SYNC: variants seen among roughly 807,000 people sequenced by gnomAD.
SYNC encodes syncoilin, intermediate filament protein.
A neutral mutation model predicts 49.5 loss-of-function variants in SYNC; 38 were observed. The ratio of observed to expected loss-of-function variants is 0.77; its 90% CI spans 0.59 to 1.01. The LOEUF (loss-of-function observed/expected upper bound fraction) is 1.01, where lower values mean the gene tolerates loss of function less well. SYNC is among the 50% of genes least tolerant of loss of function. SYNC has a pLI of 0.00. For synonymous variants in SYNC, 201 were observed against 230.8 expected (o/e 0.87, Z 1.17); for missense variants, 579 against 580.6 (o/e 1.00, Z 0.03).
chr1:32,688,928 AAC>A (rs1320323919), intron 2 of SYNC, among the ~76,000 whole-genome samples: 1 of 149,088 alleles, frequency 6.7e-6, no homozygotes, highest in Non-Finnish European at 1.5e-5. Context: ...CCCACCCCGC[AAC>A]ACACACACAC....
intron 2 of SYNC, 122 bp downstream of exon 2, chr1:32,694,743 C>T: frequency 2.0e-6 from 2 of 997,482 alleles, no homozygotes; most frequent in Non-Finnish European, 2.9e-6. Context: ...ATTGCGTGGC[C>T]CCAAAGAACA....
chr1:32,686,010 C>T (rs1649804062), intron 2 of SYNC: 2 of 152,174 alleles, frequency 1.3e-5, no homozygotes, highest in Admixed American at 1.3e-4. Context: ...TTTCCTCTAG[C>T]CCTGGACTAC....
intron 2 of SYNC, among the ~76,000 whole-genome samples, chr1:32,690,500 C>T (rs1353322557): frequency 1.3e-5 from 2 of 151,692 alleles, no homozygotes; most frequent in African/African-American, 2.4e-5. Flanking sequence ...CAAAAATTAG[C>T]GAGGCCTGGT....
chr1:32,697,502 G>A (rs1650485686), intron 1 of SYNC, among the ~76,000 whole-genome samples: 1 of 151,316 alleles, frequency 6.6e-6, no homozygotes, highest in African/African-American at 2.4e-5. Context: ...CAGCACTTTG[G>A]GAGGCCAAGA....
intron 2 of SYNC, among the ~76,000 whole-genome samples, chr1:32,687,698 C>T (rs1163841472): frequency 6.6e-6 from 1 of 151,048 alleles, no homozygotes; most frequent in East Asian, 1.9e-4. Flanking sequence ...AATGTTTAGT[C>T]CCAGCTGGAT....
At chr1:32,692,013 A>G (rs1404898244) in intron 2 of SYNC, among the ~76,000 whole-genome samples, 1 of 152,076 alleles carries the variant, frequency 6.6e-6, no homozygotes, top group African/African-American at 2.4e-5. Flanking sequence ...CGGGCGGATC[A>G]CAAGATCAGG....
intron 2 of SYNC, among the ~76,000 whole-genome samples, chr1:32,694,375 C>T (rs776798556): frequency 6.7e-4 from 102 of 151,662 alleles, no homozygotes; most frequent in Non-Finnish European, 1.2e-3. Flanking sequence ...GAGTGCAGGC[C>T]GGGCGCGGTG....
At chr1:32,691,343 C>T (rs1650155427) in intron 2 of SYNC, among the ~76,000 whole-genome samples, 2 of 151,404 alleles carry the variant, frequency 1.3e-5, no homozygotes, top group South Asian at 2.1e-4. Context: ...TGCAATGAGC[C>T]GAGATCACGC....
Position 32,695,786 on chromosome 1 carries a change from C to T in SYNC, c.312G>A (p.Glu104=), listed in dbSNP as rs1219453843. Residue 104 remains glutamate, a synonymous_variant, in exon 2 of 5, where the codon GAG becomes GAA. Transcript: ENST00000409190. ...TGGTTTCCTCCACACACACTGTCTC[C>T]TCTGGATTCCCAGGCTCCTCCACAT... ...ALHVEEPGNP[E]ETVCVEETTE... is the part of the protein sequence containing the mutation. 4 of 1,551,770 alleles carry T rather than the reference C, an allele frequency of 2.6e-6. No homozygotes were observed. In the South Asian group the frequency reaches 4.8e-5, roughly 18 times the overall value.
chr1:32,699,405 A>T (rs1390295251), intron 1 of SYNC, among the ~76,000 whole-genome samples: 1 of 149,396 alleles, frequency 6.7e-6, no homozygotes, highest in African/African-American at 2.5e-5. Context: ...ACCAGGGATC[A>T]TGGCCTCCCA....
intron 2 of SYNC, among the ~76,000 whole-genome samples, chr1:32,689,259 TTTTTTG>T (rs1485928571): frequency 9.3e-6 from 1 of 107,468 alleles, no homozygotes; most frequent in East Asian, 2.7e-4. Flanking sequence ...TTTTTTTTTT[TTTTTTG>T]AGGTGAGTCA....
intron 1 of SYNC, among the ~76,000 whole-genome samples, chr1:32,698,947 T>C (rs78765398): frequency 0.02 from 2,962 of 151,394 alleles, 98 homozygotes; most frequent in African/African-American, 0.068. Context: ...CACCCGCTAA[T>C]TTTTTAACTT....
intron 2 of SYNC, among the ~76,000 whole-genome samples, chr1:32,687,855 A>ATTATTATTATTTT (rs71006359): frequency 2.3e-4 from 31 of 135,502 alleles, no homozygotes; most frequent in African/African-American, 8.2e-4. Flanking sequence ...TATTATTATT[A>ATTATTATTATTTT]TTATTATTTT....
chr1:32,688,032 A>G (rs935170953), intron 2 of SYNC, among the ~76,000 whole-genome samples: 1 of 151,552 alleles, frequency 6.6e-6, no homozygotes, highest in Non-Finnish European at 1.5e-5. Flanking sequence ...ACGGGGTTTC[A>G]CCATATTGGT....
At chr1:32,688,396 CTT>C (rs1020219726) in intron 2 of SYNC, among the ~76,000 whole-genome samples, 1 of 152,186 alleles carries the variant, frequency 6.6e-6, no homozygotes, top group Non-Finnish European at 1.5e-5. Flanking sequence ...AATGTCCCCT[CTT>C]TTGCCCAGGC....
chr1:32,702,386 G>A lies in SYNC; in HGVS notation c.53+222C>T, dbSNP rs1387226501. Among the ~76,000 whole-genome samples the A allele has an allele frequency of 6.6e-6, 1 of 152,196 alleles. No homozygotes were observed. The highest frequency in any genetic ancestry group is 1.5e-5 in the Non-Finnish European group (1 of 68,030). ...GGTTAATTTTCATGTAGTCCCGGGA[G>A]GGGGAGGGGTATTATAAAAAGCCAC... On this transcript the variant is annotated intron_variant, in intron 1 of 4. Transcript: ENST00000409190. This position sits in a 1 kb window ranked among gnomAD's most constrained non-coding sequence, Gnocchi z 6.2.
rs1333887538 is a variant in SYNC at position 32,695,225 on chromosome 1, G to A, written c.873C>T (p.Leu291=). The A allele has an allele frequency of 6.4e-7, 1 of 1,553,202 alleles. No individual in the cohort carries two copies. Among genetic ancestry groups the A allele is most frequent in the Admixed American group, 2.0e-5 (1 of 51,068 alleles). Residue 291 remains leucine (L), a synonymous_variant, in exon 2 of 5, where the codon CTC becomes CTT. Coordinates refer to ENST00000409190, the MANE Select transcript of SYNC (RefSeq NM_030786.3). ...ATQLSEELAQ[L]RDAYQKQKEQ... is the part of the protein sequence containing the mutation. ...CCTTCTGCTTCTGATAGGCATCCCG[G>A]AGCTGGGCCAGTTCCTCTGAGAGCT...
At chr1:32,689,740 A>G (rs563800894) in intron 2 of SYNC, among the ~76,000 whole-genome samples, 52 of 152,156 alleles carry the variant, frequency 3.4e-4, no homozygotes, top group African/African-American at 1.2e-3. Flanking sequence ...CAGGAGATCA[A>G]AACCATCCTG....
chr1:32,689,235 C>CTTTTTTTTTTTTTTTTTTT lies in SYNC; in HGVS notation c.1234-4872_1234-4854dup, dbSNP rs71006360. Among the ~76,000 whole-genome samples the CTTTTTTTTTTTTTTTTTTT allele has an allele frequency of 2.2e-4, 9 of 41,536 alleles. 4 individuals are homozygous for CTTTTTTTTTTTTTTTTTTT. Among genetic ancestry groups the CTTTTTTTTTTTTTTTTTTT allele is most frequent in the Non-Finnish European group, 2.5e-4 (5 of 20,370 alleles). 27.2% of individuals were successfully genotyped at this position (41,536 alleles called of 152,430 possible). A position where few individuals can be genotyped will look rare whatever the true frequency, so the allele number is the denominator to read the frequency against. On this transcript the variant is annotated intron_variant, in intron 2 of 4. Coordinates refer to ENST00000409190, the MANE Select transcript of SYNC (RefSeq NM_030786.3). ...ACAGGCGTGAGGCACCTCGCCTGGC[C>CTTTTTTTTTTTTTTTTTTT]TTTTTTTTTTTTTTTTTTTTTTTTT...
Sources: allele counts gnomAD v4.1 joint callset (sites outside exome capture counted in the v4.1 genomes callset), GRCh38; gene constraint gnomAD v4.1.1; non-coding constraint Gnocchi (gnomAD v3.1); transcripts MANE v1.5; gene names NCBI Gene and HGNC (gene_info 2026-07-23, HGNC 2026-07-21).